LCOR: variants seen among roughly 807,000 people sequenced by gnomAD.
LCOR encodes the protein ligand-dependent corepressor.
LCOR carries 14 observed loss-of-function variants against 64.4 expected under a neutral mutation model. The ratio of observed to expected loss-of-function variants is 0.22; its 90% CI spans 0.14 to 0.34. The LOEUF (loss-of-function observed/expected upper bound fraction) is 0.34, where lower values mean the gene tolerates loss of function less well. LCOR is among the 10% of genes least tolerant of loss of function. The pLI, the probability that LCOR is intolerant of heterozygous loss-of-function variation, is 1.00. For missense variants in LCOR, 1,686 were observed against 1,765.3 expected (o/e 0.96, Z 0.80); for synonymous variants, 643 against 642.5 (o/e 1.00, Z -0.01).
At chr10:96,966,968 A>G (rs1256389152) in intron 7 of LCOR, among the ~76,000 whole-genome samples, 7 of 152,172 alleles carry the variant, frequency 4.6e-5, no homozygotes, top group Non-Finnish European at 1.0e-4. Flanking sequence ...ACTCCTGAGC[A>G]CAAGTGATTT....
intron 2 of LCOR, among the ~76,000 whole-genome samples, chr10:96,880,678 A>G (rs1368560501): frequency 6.6e-6 from 1 of 152,222 alleles, no homozygotes; most frequent in African/African-American, 2.4e-5. Flanking sequence ...CATTACAGGC[A>G]TGAGCCACCA....
intron 2 of LCOR, among the ~76,000 whole-genome samples, chr10:96,895,429 A>G (rs1167324169): frequency 6.6e-6 from 1 of 152,104 alleles, no homozygotes; most frequent in African/African-American, 2.4e-5. Context: ...TGCTACCCCT[A>G]TCTCTTGCCA....
intron 4 of LCOR, among the ~76,000 whole-genome samples, chr10:96,936,110 G>A (rs1847346445): frequency 6.6e-6 from 1 of 152,374 alleles, no homozygotes; most frequent in Non-Finnish European, 1.5e-5. Context: ...ACAGCTAAGA[G>A]CCCTCCTGGG....
intron 7 of LCOR, chr10:96,963,667 A>T (rs1201854541): frequency 6.6e-6 from 1 of 152,218 alleles, no homozygotes; most frequent in Admixed American, 6.5e-5. Flanking sequence ...GTTCTCAGTG[A>T]CAAGTTTTTT....
intron 2 of LCOR, among the ~76,000 whole-genome samples, chr10:96,837,250 A>T (rs1464000484): frequency 6.6e-6 from 1 of 151,898 alleles, no homozygotes; most frequent in Non-Finnish European, 1.5e-5. Context: ...TTGGCCTCCC[A>T]AAGTGCTGGG....
At chr10:96,946,487 A>G (rs1847591415) in intron 5 of LCOR, among the ~76,000 whole-genome samples, 1 of 152,070 alleles carries the variant, frequency 6.6e-6, no homozygotes, top group African/African-American at 2.4e-5. Flanking sequence ...CTTGTATTAA[A>G]AAAGTTAGAT....
At chr10:96,972,294 T>TA (rs1166275964) in intron 7 of LCOR, among the ~76,000 whole-genome samples, 1 of 152,052 alleles carries the variant, frequency 6.6e-6, no homozygotes, top group Non-Finnish European at 1.5e-5. Context: ...TCCCTTTTTT[T>TA]AAAAAATTAA....
chr10:96,963,054 A>T (rs1847905230), intron 7 of LCOR: 2 of 152,264 alleles, frequency 1.3e-5, no homozygotes, highest in African/African-American at 4.8e-5. Context: ...ATGTCAACTT[A>T]AAAAACTCAG....
At chr10:96,948,268 G>GA (rs1249321915) in intron 5 of LCOR, among the ~76,000 whole-genome samples, 1 of 151,908 alleles carries the variant, frequency 6.6e-6, no homozygotes, top group Non-Finnish European at 1.5e-5. Flanking sequence ...AGTACTCCTG[G>GA]AAAATATGTG....
chr10:96,916,266 C>T (rs776224287), intron 4 of LCOR, among the ~76,000 whole-genome samples: 1 of 151,996 alleles, frequency 6.6e-6, no homozygotes, highest in Non-Finnish European at 1.5e-5. Flanking sequence ...CTCCTGACCT[C>T]GTGATCCGCC....
intron 7 of LCOR, chr10:96,956,746 C>T (rs1320797378): frequency 1.0e-6 from 1 of 985,442 alleles, no homozygotes; most frequent in African/African-American, 1.7e-5. Flanking sequence ...TCCGTATTTA[C>T]TCAGGAGCAG....
At chr10:96,851,731 T>G (rs1176750130) in intron 2 of LCOR, among the ~76,000 whole-genome samples, 1 of 152,152 alleles carries the variant, frequency 6.6e-6, no homozygotes, top group Non-Finnish European at 1.5e-5. Context: ...GATGTTTCTT[T>G]TCACCCCCCA....
At chr10:96,863,583 A>C (rs1246726897) in intron 2 of LCOR, among the ~76,000 whole-genome samples, 1 of 152,176 alleles carries the variant, frequency 6.6e-6, no homozygotes, top group East Asian at 1.9e-4. Context: ...TTGCATTGTT[A>C]GTGCTGTGGA....
intron 2 of LCOR, among the ~76,000 whole-genome samples, chr10:96,859,355 G>T (rs932003648): frequency 2.0e-5 from 3 of 152,144 alleles, no homozygotes; most frequent in South Asian, 2.1e-4. Flanking sequence ...GATTACAGGC[G>T]CCTGCCACCA....
chr10:96,928,410 AT>A (rs1304392972), intron 4 of LCOR, among the ~76,000 whole-genome samples: 2 of 152,196 alleles, frequency 1.3e-5, no homozygotes, highest in Admixed American at 6.5e-5. Flanking sequence ...TTAAAAAAAA[AT>A]AAACCACTGT....
chr10:96,906,874 C>CTAA (rs925918268), intron 2 of LCOR, among the ~76,000 whole-genome samples: 3 of 152,220 alleles, frequency 2.0e-5, no homozygotes, highest in African/African-American at 7.2e-5. Flanking sequence ...TTGAAAAATG[C>CTAA]TATTTAGATT....
rs190560282 is a variant in LCOR at position 96,856,378 on chromosome 10, C to G, written c.-330+22899C>G. Among the ~76,000 whole-genome samples, 369 of 151,336 alleles carry G rather than the reference C, an allele frequency of 2.4e-3. 5 individuals are homozygous for G. Among genetic ancestry groups the G allele is most frequent in the African/African-American group, 8.1e-3 (336 of 41,276 alleles). On this transcript the variant is annotated intron_variant, in intron 2 of 7. Transcript: ENST00000421806. Reference sequence around the variant, plus strand: ...GCCCAGCCCTAATGGGCATTTTAATCCTCTTTCCCTCCCTTCTTTTCTTTC... The same window carrying G: ...GCCCAGCCCTAATGGGCATTTTAATGCTCTTTCCCTCCCTTCTTTTCTTTC...
rs1847201807 is a variant in LCOR, at chr10:96,928,299, C to A, written c.-183-15814C>A. ...GTATCAACTAAGTTTGCTTAATATTCTATATCCTTTGTTGTTATTTCAACA... is the reference window on the plus strand; with the variant it reads ...GTATCAACTAAGTTTGCTTAATATTATATATCCTTTGTTGTTATTTCAACA... On this transcript the variant is annotated intron_variant, in intron 4 of 7. Coordinates refer to ENST00000421806, the MANE Select transcript of LCOR (RefSeq NM_001346516.2). Among the ~76,000 whole-genome samples, 4 of 152,296 alleles carry A rather than the reference C, an allele frequency of 2.6e-5. No individual in the cohort carries two copies. The South Asian group carries it at 8.3e-4, about 32-fold the overall frequency.
Position 96,949,074 on chromosome 10 carries a change from A to G in LCOR, c.17A>G (p.Gln6Arg). Reference protein sequence around the residue: MQRMIQQFAAEYTSKN... With the variant: MQRMIRQFAAEYTSKN... ...CGTGAGATCATGCAGCGAATGATCC[A>G]ACAATTTGCTGCTGAATATACCTCA... is the stretch of plus-strand genomic sequence containing the variant. The change falls in exon 6 of 8, where the codon CAA becomes CGA. Residue 6 changes from glutamine to arginine, a missense_variant. Around this residue, in one of 3 missense-constraint regions of LCOR, gnomAD observed 80 missense variants for 107.7 expected, o/e 0.74. Transcript: ENST00000421806. 6.2e-7 allele frequency: 1 copy of G among 1,614,010 alleles called. No individual in the cohort carries two copies.
Sources: allele counts gnomAD v4.1 joint callset (sites outside exome capture counted in the v4.1 genomes callset), GRCh38; gene constraint gnomAD v4.1.1; regional missense constraint gnomAD v4.1.1; transcripts MANE v1.5; gene names NCBI Gene and HGNC (gene_info 2026-07-23, HGNC 2026-07-21).